CALN1: variants seen among roughly 807,000 people sequenced by gnomAD.
The protein encoded by CALN1 is calcium-binding protein 8.
CALN1 carries 17 observed loss-of-function variants against 30.6 expected under a neutral mutation model. The observed-to-expected ratio is 0.56, with a 90% confidence interval of 0.38 to 0.83. The LOEUF is 0.83. CALN1 is among the 40% of genes least tolerant of loss of function. CALN1 has a pLI of 0.00. For missense variants in CALN1, 291 were observed against 354.9 expected (o/e 0.82, Z 1.45); for synonymous variants, 156 against 131.4 (o/e 1.19, Z -1.28).
intron 2 of CALN1, among the ~76,000 whole-genome samples, chr7:72,366,481 T>C (rs910390848): frequency 5.9e-5 from 9 of 152,060 alleles, no homozygotes; most frequent in African/African-American, 2.2e-4. Context: ...TGATGTATTT[T>C]TTTTCTTTCC....
At chr7:72,348,441 G>T (rs1191039471) in intron 2 of CALN1, among the ~76,000 whole-genome samples, 1 of 152,156 alleles carries the variant, frequency 6.6e-6, no homozygotes, top group Non-Finnish European at 1.5e-5. Flanking sequence ...AGATTTTGTG[G>T]GGCAGAGAAC....
At chr7:72,133,216 C>T (rs756215989) in intron 3 of CALN1, among the ~76,000 whole-genome samples, 6 of 152,000 alleles carry the variant, frequency 3.9e-5, no homozygotes, top group African/African-American at 9.7e-5. Context: ...CTCCTAATGA[C>T]GCGAGAAATG....
At chr7:71,933,122 C>G (rs1213135686) in intron 5 of CALN1, among the ~76,000 whole-genome samples, 1 of 151,960 alleles carries the variant, frequency 6.6e-6, no homozygotes, top group African/African-American at 2.4e-5. Flanking sequence ...TGAATGCCAT[C>G]AAGAAAAAAG....
chr7:72,370,407 G>A (rs1804159435), intron 2 of CALN1, among the ~76,000 whole-genome samples: 1 of 151,962 alleles, frequency 6.6e-6, no homozygotes, highest in South Asian at 2.1e-4. Context: ...ACATGTGATT[G>A]ACTTTGGGAG....
intron 5 of CALN1, among the ~76,000 whole-genome samples, chr7:71,835,864 C>T (rs1789570215): frequency 6.6e-6 from 1 of 152,192 alleles, no homozygotes; most frequent in Non-Finnish European, 1.5e-5. Flanking sequence ...CCTCGTGAAT[C>T]ATTATATGTG....
chr7:72,182,387 G>T (rs185881670), intron 3 of CALN1, among the ~76,000 whole-genome samples: 2 of 152,288 alleles, frequency 1.3e-5, no homozygotes, highest in East Asian at 3.9e-4. Context: ...AAAAAAATCT[G>T]TAGGAAGGGA....
At chr7:72,026,810 G>C (rs1036676116) in intron 4 of CALN1, among the ~76,000 whole-genome samples, 1 of 152,176 alleles carries the variant, frequency 6.6e-6, no homozygotes, top group Non-Finnish European at 1.5e-5. Context: ...ACTGGTATTT[G>C]TAAAAGTGAA....
intron 3 of CALN1, among the ~76,000 whole-genome samples, chr7:72,267,465 A>C (rs986841028): frequency 1.3e-5 from 2 of 152,194 alleles, no homozygotes; most frequent in African/African-American, 4.8e-5. Context: ...AAATTTGATT[A>C]ATCAGCCAAG....
At chr7:72,180,790 A>G (rs906406321) in intron 3 of CALN1, among the ~76,000 whole-genome samples, 7 of 151,428 alleles carry the variant, frequency 4.6e-5, no homozygotes, top group African/African-American at 1.7e-4. Flanking sequence ...TTAAGTGCCA[A>G]TCTTTGGAGT....
chr7:72,388,959 T>TA (rs1399778397), intron 2 of CALN1, among the ~76,000 whole-genome samples: 2 of 152,182 alleles, frequency 1.3e-5, no homozygotes, highest in Non-Finnish European at 2.9e-5. Flanking sequence ...GCTGGGTCTC[T>TA]ATTTTGCCCT....
intron 3 of CALN1, among the ~76,000 whole-genome samples, chr7:72,144,820 C>G (rs1456155417): frequency 1.3e-5 from 2 of 152,168 alleles, no homozygotes; most frequent in Non-Finnish European, 2.9e-5. Flanking sequence ...TTAAGAAACT[C>G]ACTCAAAACC....
At chr7:72,383,844 A>G (rs1323237009) in intron 2 of CALN1, among the ~76,000 whole-genome samples, 1 of 152,214 alleles carries the variant, frequency 6.6e-6, no homozygotes, top group Non-Finnish European at 1.5e-5. Flanking sequence ...TAGCATCACA[A>G]TAATCCCCCT....
chr7:72,006,795 T>C (rs755757860), intron 5 of CALN1, among the ~76,000 whole-genome samples: 2 of 152,182 alleles, frequency 1.3e-5, no homozygotes, highest in South Asian at 4.1e-4. Flanking sequence ...ATAAAGCTCA[T>C]GTCTGTTCCT....
At chr7:72,089,675 T>TA (rs1805722194) in intron 4 of CALN1, among the ~76,000 whole-genome samples, 1 of 152,088 alleles carries the variant, frequency 6.6e-6, no homozygotes, top group Non-Finnish European at 1.5e-5. Context: ...GCAAAAAGGT[T>TA]ATGTGGCAAA....
intron 5 of CALN1, among the ~76,000 whole-genome samples, chr7:71,893,831 G>A (rs942151658): frequency 7.2e-5 from 11 of 152,090 alleles, no homozygotes; most frequent in Non-Finnish European, 1.6e-4. Context: ...GCAAGATTTG[G>A]GCCTCTCTGG....
At chr7:72,216,326 C>T (rs1792810368) in intron 3 of CALN1, among the ~76,000 whole-genome samples, 2 of 151,750 alleles carry the variant, frequency 1.3e-5, no homozygotes, top group South Asian at 4.2e-4. Flanking sequence ...CTCGGGAGGC[C>T]TAAGCAGGAG....
intron 2 of CALN1, among the ~76,000 whole-genome samples, chr7:72,293,616 T>G (rs1798644205): frequency 6.6e-6 from 1 of 152,096 alleles, no homozygotes; most frequent in African/African-American, 2.4e-5. Flanking sequence ...GATAAATCCG[T>G]AAGAAAGCAG....
At chr7:71,853,835 G>C (rs12699104) in intron 5 of CALN1, among the ~76,000 whole-genome samples, 25,828 of 149,302 alleles carry the variant, frequency 0.17, 3,662 homozygotes, top group East Asian at 0.52. Flanking sequence ...CCACCTCGGC[G>C]TTCCAAAGTG....
chr7:72,365,956 A>G (rs1803853878), intron 2 of CALN1, among the ~76,000 whole-genome samples: 1 of 152,178 alleles, frequency 6.6e-6, no homozygotes, highest in African/African-American at 2.4e-5. Context: ...ACATGGGCAT[A>G]CCCTTGGATT....
Sources: gnomAD v4.1 joint callset for allele counts (sites outside exome capture counted in the v4.1 genomes callset) on GRCh38, gnomAD v4.1.1 for gene constraint, MANE v1.5 for transcripts, NCBI Gene and HGNC (gene_info 2026-07-23, HGNC 2026-07-21) for gene names.